The following ADGRF1 variants were observed in gnomAD, a reference collection of about 807,000 sequenced individuals.
ADGRF1 encodes the protein adhesion G protein-coupled receptor F1, also known as G protein-coupled receptor 110.
ADGRF1 carries 85 observed loss-of-function variants against 87.2 expected under a neutral mutation model. The ratio of observed to expected loss-of-function variants is 0.97; its 90% CI spans 0.82 to 1.17. The LOEUF (loss-of-function observed/expected upper bound fraction) is 1.17. ADGRF1 is among the 50% of genes most tolerant of loss of function. ADGRF1 has a pLI of 0.00. For synonymous variants in ADGRF1, 430 were observed against 408.8 expected (o/e 1.05, Z -0.63); for missense variants, 1,169 against 1,077.2 (o/e 1.09, Z -1.19).
chr6:47,025,798 T>A (rs563904557), intron 4 of ADGRF1, 56 bp downstream of exon 4: 2 of 1,489,844 alleles, frequency 1.3e-6, no homozygotes, highest in Non-Finnish European at 1.8e-6. Context: ...CAACCTAGCC[T>A]GACTGATATA....
chr6:47,010,579 T>C (rs1228311126), intron 10 of ADGRF1, among the ~76,000 whole-genome samples: 1 of 152,174 alleles, frequency 6.6e-6, no homozygotes, highest in Non-Finnish European at 1.5e-5. Flanking sequence ...GGCTTCAGGA[T>C]GAATGAGAAA....
At position 47,025,890 on chromosome 6, in the gene ADGRF1, C is replaced by T; in HGVS notation, c.241G>A (p.Gly81Arg). 1 of 1,610,162 alleles carries T rather than the reference C, an allele frequency of 6.2e-7. No homozygotes were observed. Among genetic ancestry groups the T allele is most frequent in the Non-Finnish European group, 8.5e-7 (1 of 1,178,334 alleles). Residue 81 changes from glycine to arginine, a missense_variant, in exon 4 of 15, where the codon GGG (glycine) becomes AGG (arginine). Transcript: ENST00000371253. The part of the protein sequence containing the change: ...LLKPPLLWSH[G>R]LIRIIRAKAT... The stretch of plus-strand genomic sequence containing the variant: ...TTTGCTCTGATAATTCTAATTAGCC[C>T]ATGTGACCATAATAATGGAGGCTTC...
rs752473723 is a variant in ADGRF1, at chr6:47,000,190, G to A, written c.*32C>T. 9 of 1,536,042 alleles carry A rather than the reference G, an allele frequency of 5.9e-6. No individual in the cohort carries two copies. Among genetic ancestry groups the A allele is most frequent in the Non-Finnish European group, 8.1e-6 (9 of 1,113,696 alleles). On this transcript the variant is annotated 3_prime_UTR_variant, in exon 15 of 15. Transcript: ENST00000371253. ...TGTCTCTAAATGTCAAGTTGTTCTG[G>A]AAATTTTTTCTTGATTTTATGATTC... is the stretch of plus-strand genomic sequence containing the variant.
In ADGRF1 at chr6:47,009,768, TGA is replaced by T; in HGVS notation, c.1665_1666del (p.Gln556ArgfsTer59). 6.2e-7 allele frequency: 1 copy of T among 1,614,174 alleles called. No homozygotes were observed. Among genetic ancestry groups the T allele is most frequent in the Non-Finnish European group, 8.5e-7 (1 of 1,180,020 alleles). On this transcript the variant is annotated frameshift_variant, in exon 11 of 15. Transcript: ENST00000371253. LOFTEE classifies it high-confidence loss of function. ...AGTACATTGGCACGTCACGATGTCT[TGA>T]GTTTCATTCACTAGGTGGCAGCCTG...
chr6:47,009,969 T>C lies in ADGRF1; in HGVS notation c.1466A>G (p.Asn489Ser), dbSNP rs1779656594. ...IISMASLTLG[N>S]ILPVSKNGNA... ...TCCATTTTTGGAAACGGGTAGAATGTTCCCCAGAGTCAACGAGGCCATGCT... is the reference window on the plus strand; with the variant it reads ...TCCATTTTTGGAAACGGGTAGAATGCTCCCCAGAGTCAACGAGGCCATGCT... The change falls in exon 11 of 15, where the codon AAC becomes AGC. Residue 489 changes from asparagine (N) to serine (S), a missense_variant. By Grantham distance (46) the Asn-to-Ser change is conservative. Coordinates refer to ENST00000371253, the MANE Select transcript of ADGRF1 (RefSeq NM_153840.4). 3 of 1,614,050 alleles carry C rather than the reference T, an allele frequency of 1.9e-6. No homozygotes were observed. The African/African-American group carries it at 4.0e-5, about 22-fold the overall frequency.
intron 9 of ADGRF1, chr6:47,013,332 G>GAAGA: frequency 1.0e-6 from 1 of 985,618 alleles, no homozygotes; most frequent in Non-Finnish European, 1.2e-6. Context: ...GCAAGAGCAA[G>GAAGA]AAGAAACCCC....
rs777107173 is a variant in ADGRF1, at chr6:47,010,237, C to A, written c.1198G>T (p.Ala400Ser). ...WTVLLREEKY[A>S]SSRLLETLEN... is the part of the protein sequence containing the mutation. The stretch of plus-strand genomic sequence containing the variant: ...AATGTCTCTAGTAACCGTGAGCTGG[C>A]ATACTTTTCTTCCCGCAGTAAGACT... The change falls in exon 11 of 15, where the codon GCC becomes TCC. Residue 400 changes from alanine to serine, a missense_variant. Ala to Ser is a moderately conservative substitution (Grantham distance 99). Transcript: ENST00000371253. 6.2e-7 allele frequency: 1 copy of A among 1,613,872 alleles called. No individual in the cohort carries two copies. The highest frequency in any genetic ancestry group is 8.5e-7 in the Non-Finnish European group (1 of 1,179,950).
intron 7 of ADGRF1, chr6:47,020,109 T>C: frequency 9.7e-6 from 10 of 1,029,554 alleles, no homozygotes; most frequent in Non-Finnish European, 1.2e-5. Flanking sequence ...ACTGTCACCA[T>C]GATCTCCTGC....
rs78827064 is a variant in ADGRF1 at position 47,020,803 on chromosome 6, C to A, written c.553-14G>T. Reference sequence around the variant, plus strand: ...TGCTTTTTTAAGCTTAGAAAGAGAACAAAGAACAATGTGTTAATTGTTCTT... The same window carrying A: ...TGCTTTTTTAAGCTTAGAAAGAGAAAAAAGAACAATGTGTTAATTGTTCTT... On this transcript the variant is annotated splice_polypyrimidine_tract_variant and intron_variant, in intron 6 of 14. Coordinates refer to ENST00000371253, the MANE Select transcript of ADGRF1 (RefSeq NM_153840.4). The A allele has an allele frequency of 6.2e-7, 1 of 1,609,514 alleles. No homozygotes were observed. Among genetic ancestry groups the A allele is most frequent in the South Asian group, 1.1e-5 (1 of 90,930 alleles).
chr6:47,022,501 C>G (rs1391912547), intron 5 of ADGRF1, among the ~76,000 whole-genome samples: 2 of 152,212 alleles, frequency 1.3e-5, no homozygotes, highest in Non-Finnish European at 2.9e-5. Context: ...TCTGTGTGGA[C>G]AAATTCTATT....
chr6:47,008,165 AT>A (rs998884269), intron 11 of ADGRF1, among the ~76,000 whole-genome samples: 4 of 152,176 alleles, frequency 2.6e-5, no homozygotes, highest in Admixed American at 2.0e-4. Context: ...GCCCAGACCT[AT>A]TTAAGTCTAG....
chr6:47,024,140 G>T lies in ADGRF1; in HGVS notation c.355C>A (p.Pro119Thr). 2.5e-6 allele frequency: 4 copies of T among 1,614,008 alleles called. No individual in the cohort carries two copies. The highest frequency in any genetic ancestry group is 3.4e-6 in the Non-Finnish European group (4 of 1,179,898). The change falls in exon 5 of 15, where the codon CCC becomes ACC. Residue 119 changes from proline to threonine, a missense_variant. Coordinates refer to ENST00000371253, the MANE Select transcript of ADGRF1 (RefSeq NM_153840.4). Reference protein sequence around the residue: ...YTWFPPSCLDPQNCYLHTAGA... With the variant: ...YTWFPPSCLDTQNCYLHTAGA... ...GCCGTGTGAAGGTAGCAGTTCTGGG[G>T]ATCAAGGCATGAGGGAGGAAACCAG...
intron 1 of ADGRF1, among the ~76,000 whole-genome samples, chr6:47,035,937 C>T (rs1367523379): frequency 6.6e-6 from 1 of 151,956 alleles, no homozygotes; most frequent in Non-Finnish European, 1.5e-5. Context: ...AGGGCTGAAG[C>T]GCTACCTATT....
chr6:47,035,376 T>C (rs1780560029), intron 1 of ADGRF1, among the ~76,000 whole-genome samples: 1 of 152,184 alleles, frequency 6.6e-6, no homozygotes, highest in South Asian at 2.1e-4. Flanking sequence ...TCCAGATAAT[T>C]TGAGCTTCTT....
chr6:47,012,580 C>T (rs781625384), intron 9 of ADGRF1: 24 of 801,416 alleles, frequency 3.0e-5, no homozygotes, highest in Non-Finnish European at 3.2e-5. Context: ...TACAGAAACT[C>T]ATGTTCAATG....
At chr6:47,029,966 T>C (rs1374925104) in intron 1 of ADGRF1, among the ~76,000 whole-genome samples, 1 of 152,214 alleles carries the variant, frequency 6.6e-6, no homozygotes, top group Non-Finnish European at 1.5e-5. Flanking sequence ...ATGTTTCTTT[T>C]ACATCTCACA....
At chr6:47,022,257 A>G (rs1041064760) in intron 5 of ADGRF1, among the ~76,000 whole-genome samples, 199 bp from the exon 6 acceptor site, 3 of 152,226 alleles carry the variant, frequency 2.0e-5, no homozygotes, top group African/African-American at 7.2e-5. Context: ...TTGGAGCAGT[A>G]ATAGGGAAGT....
At chr6:47,002,877 C>T (rs1779399026) in intron 13 of ADGRF1, among the ~76,000 whole-genome samples, 1 of 152,114 alleles carries the variant, frequency 6.6e-6, no homozygotes, top group Admixed American at 6.6e-5. Context: ...GAGACTATTG[C>T]TGGCTCTTCT....
At chr6:47,037,843 G>A (rs954696126) in intron 1 of ADGRF1, among the ~76,000 whole-genome samples, 2 of 151,866 alleles carry the variant, frequency 1.3e-5, no homozygotes, top group Non-Finnish European at 2.9e-5. Flanking sequence ...AGGGTTGTGT[G>A]AAGAATGTGT....
Sources: gnomAD v4.1 joint callset for allele counts (sites outside exome capture counted in the v4.1 genomes callset) on GRCh38, gnomAD v4.1.1 for gene constraint, MANE v1.5 for transcripts, NCBI Gene and HGNC (gene_info 2026-07-23, HGNC 2026-07-21) for gene names.